AKAP10: variants seen among roughly 807,000 people sequenced by gnomAD.
AKAP10 encodes the protein A-kinase anchoring protein 10, also known as A-kinase anchor protein 10, mitochondrial.
In AKAP10, 24 loss-of-function variants were observed where a neutral mutation model predicts 80.8. The observed-to-expected ratio is 0.30, with a 90% CI of 0.22 to 0.42. AKAP10 has a LOEUF of 0.42. AKAP10 is among the 10% of genes least tolerant of loss of function. The probability of loss-of-function intolerance (pLI) is 1.00; values close to 1 mark genes in which losing one functional copy is unlikely to be tolerated. For missense variants in AKAP10, 661 were observed against 794.9 expected (o/e 0.83, Z 2.03); for synonymous variants, 291 against 277.7 (o/e 1.05, Z -0.48).
At chr17:19,947,891 T>C (rs1434923142) in intron 4 of AKAP10, among the ~76,000 whole-genome samples, 1 of 151,824 alleles carries the variant, frequency 6.6e-6, no homozygotes, top group Non-Finnish European at 1.5e-5. Flanking sequence ...ATCAAATTTA[T>C]GGTGAAGCTT....
In AKAP10 at chr17:19,911,782, C is replaced by T. The variant is rs180848644; in HGVS notation, c.1835-1804G>A. Among the ~76,000 whole-genome samples, 372 of 126,612 alleles carry T rather than the reference C, an allele frequency of 2.9e-3. 1 individual carries two copies. Among genetic ancestry groups the T allele is most frequent in the African/African-American group, 0.01 (351 of 34,578 alleles). The allele number at this position is 126,612 out of a possible 152,430, so 83.1% of individuals were successfully genotyped here. ...CCTGGGAGGTGGAGGTTGTGGTGAG[C>T]CGAGATCACGCCATTGCACTCCAGC... On this transcript the variant is annotated intron_variant, in intron 12 of 14. Transcript: ENST00000225737.
At position 19,968,461 on chromosome 17, in the gene AKAP10, A is replaced by G. The variant is rs2043451699; in HGVS notation, c.89T>C (p.Val30Ala). Reference sequence around the variant, plus strand: ...GGTCTTCTCTTGTTCTTTGCCTTTCACTAGAACATAAAAAGATAATTATGA... The same window carrying G: ...GGTCTTCTCTTGTTCTTTGCCTTTCGCTAGAACATAAAAAGATAATTATGA... ...GPAMSFFRRK[V>A]KGKEQEKTSD... Residue 30 changes from valine to alanine, a missense_variant and splice_region_variant, in exon 2 of 15, where the codon GTG (valine) becomes GCG (alanine). By Grantham distance (64) the Val-to-Ala change is moderately conservative. Transcript: ENST00000225737. 4 of 1,613,492 alleles carry G rather than the reference A, an allele frequency of 2.5e-6. No homozygotes were observed. The highest frequency in any genetic ancestry group is 3.4e-6 in the Non-Finnish European group (4 of 1,179,566).
chr17:19,946,610 T>C (rs2043135218), intron 5 of AKAP10, among the ~76,000 whole-genome samples: 1 of 151,354 alleles, frequency 6.6e-6, no homozygotes, highest in African/African-American at 2.4e-5. Context: ...GCTGTCATTG[T>C]TATTCAGGTT....
intron 4 of AKAP10, among the ~76,000 whole-genome samples, chr17:19,956,414 C>CA (rs1321732984): frequency 3.3e-5 from 5 of 151,394 alleles, no homozygotes; most frequent in African/African-American, 1.2e-4. Context: ...GTCAGGTCCA[C>CA]AAAAAACTGT....
At chr17:19,911,156 AG>A (rs1273533977) in intron 12 of AKAP10, among the ~76,000 whole-genome samples, 1 of 152,200 alleles carries the variant, frequency 6.6e-6, no homozygotes, top group African/African-American at 2.4e-5. Flanking sequence ...TGCCAACCAG[AG>A]TCTACAGAGT....
chr17:19,967,104 A>T (rs1046009972), intron 2 of AKAP10, among the ~76,000 whole-genome samples: 1 of 152,168 alleles, frequency 6.6e-6, no homozygotes, highest in African/African-American at 2.4e-5. Flanking sequence ...TTGAAGGAAA[A>T]ATCTAAATAA....
chr17:19,918,213 T>C (rs1597491067), intron 12 of AKAP10, among the ~76,000 whole-genome samples: 2 of 128,662 alleles, frequency 1.6e-5, no homozygotes, highest in Admixed American at 1.8e-4. Context: ...ACAGCAAGAC[T>C]CCGTCTCAAA....
At chr17:19,958,639 T>C in intron 3 of AKAP10, 68 bp from the exon 4 acceptor site, 1 of 1,399,136 alleles carries the variant, frequency 7.1e-7, no homozygotes, top group Non-Finnish European at 9.6e-7. Context: ...GATTAGTCAA[T>C]CACTTTTAGC....
rs1380883358 is a variant in AKAP10 at position 19,940,206 on chromosome 17, C to G, written c.1186-357G>C. ...TTTATATCTGATCATTTCCACCATT[C>G]CATGAGGACATATTAACCTAAACAA... On this transcript the variant is annotated intron_variant, in intron 7 of 14. Transcript: ENST00000225737. 5.9e-5 allele frequency among the ~76,000 whole-genome samples: 9 copies of G among 152,272 alleles called. No homozygotes were observed. The East Asian group carries it at 1.4e-3, about 23-fold the overall frequency.
intron 12 of AKAP10, among the ~76,000 whole-genome samples, chr17:19,910,218 T>A (rs941887749): frequency 6.6e-6 from 1 of 150,932 alleles, no homozygotes; most frequent in Admixed American, 6.7e-5. Context: ...TCCCAGCTAC[T>A]CAGGAGGCTG....
intron 1 of AKAP10, among the ~76,000 whole-genome samples, chr17:19,973,925 C>T (rs978555164): frequency 4.6e-5 from 7 of 152,182 alleles, no homozygotes; most frequent in Non-Finnish European, 8.8e-5. Context: ...AAAATGCAGC[C>T]GGGAGCGGTG....
At chr17:19,909,109 C>T (rs2042663014) in intron 14 of AKAP10, 72 bp downstream of exon 14, 3 of 1,352,318 alleles carry the variant, frequency 2.2e-6, no homozygotes, top group East Asian at 2.4e-5. Flanking sequence ...AAAGAAACCC[C>T]TTATGTTCTT....
chr17:19,919,995 G>C (rs1379234969), intron 12 of AKAP10, 41 bp downstream of exon 12: 2 of 1,514,860 alleles, frequency 1.3e-6, no homozygotes, highest in Non-Finnish European at 9.1e-7. Context: ...AATCACTAAT[G>C]TGAGTAAAGG....
intron 12 of AKAP10, among the ~76,000 whole-genome samples, chr17:19,913,720 C>T (rs1431981082): frequency 1.3e-5 from 2 of 152,130 alleles, no homozygotes; most frequent in African/African-American, 2.4e-5. Context: ...TGAGTATCCT[C>T]GGAAGTAATC....
At chr17:19,962,439 C>T (rs765086064) in intron 3 of AKAP10, among the ~76,000 whole-genome samples, 18 of 152,194 alleles carry the variant, frequency 1.2e-4, no homozygotes, top group Non-Finnish European at 1.9e-4. Flanking sequence ...GAGTCTTCAC[C>T]AGATTATATT....
At chr17:19,915,722 C>T (rs893014355) in intron 12 of AKAP10, among the ~76,000 whole-genome samples, 1 of 152,124 alleles carries the variant, frequency 6.6e-6, no homozygotes, top group East Asian at 1.9e-4. Flanking sequence ...AAATACAACC[C>T]GAACTGGACT....
chr17:19,941,318 A>C (rs2043049067), intron 6 of AKAP10, among the ~76,000 whole-genome samples: 1 of 152,226 alleles, frequency 6.6e-6, no homozygotes, highest in Non-Finnish European at 1.5e-5. Flanking sequence ...ACCACGTCTT[A>C]CACAGAGCAC....
At chr17:19,937,696 G>A (rs887686613) in intron 8 of AKAP10, among the ~76,000 whole-genome samples, 5 of 152,068 alleles carry the variant, frequency 3.3e-5, no homozygotes, top group Admixed American at 6.5e-5. Flanking sequence ...TGTTTCTTAC[G>A]TAATACCTTC....
chr17:19,941,290 A>G, intron 6 of AKAP10, among the ~76,000 whole-genome samples: 1 of 152,202 alleles, frequency 6.6e-6, no homozygotes, highest in Non-Finnish European at 1.5e-5. Context: ...ACTTCCTTCA[A>G]GACTGGCACT....
Sources: gnomAD v4.1 joint callset for allele counts (sites outside exome capture counted in the v4.1 genomes callset) on GRCh38, gnomAD v4.1.1 for gene constraint, MANE v1.5 for transcripts, NCBI Gene and HGNC (gene_info 2026-07-23, HGNC 2026-07-21) for gene names.